TLL1: variants seen among roughly 807,000 people sequenced by gnomAD.
The protein encoded by TLL1 is tolloid-like protein 1.
A neutral mutation model predicts 128.2 loss-of-function variants in TLL1; 49 were observed. The ratio of observed to expected loss-of-function variants is 0.38; its 90% CI spans 0.30 to 0.48. TLL1 has a LOEUF of 0.48. TLL1 is among the 20% of genes least tolerant of loss of function. TLL1 has a pLI of 0.96. For synonymous variants in TLL1, 454 were observed against 418.8 expected, an observed-to-expected ratio of 1.08 and a Z score of -1.03; for missense variants, 1,123 against 1,242.0, an observed-to-expected ratio of 0.90 and a Z score of 1.44.
chr4:165,989,552 C>T, intron 2 of TLL1, 61 bp downstream of exon 2: 1 of 1,228,640 alleles, frequency 8.1e-7, no homozygotes, highest in Non-Finnish European at 1.2e-6. Context: ...TCTTGAAGTG[C>T]TATAAATATT....
At chr4:166,079,833 T>C (rs1741205888) in intron 18 of TLL1, among the ~76,000 whole-genome samples, 1 of 152,220 alleles carries the variant, frequency 6.6e-6, no homozygotes, top group Admixed American at 6.5e-5. Context: ...ATTCAGTTCA[T>C]TTTTTGCCCT....
At chr4:165,909,300 T>G (rs544485373) in intron 1 of TLL1, among the ~76,000 whole-genome samples, 1 of 152,276 alleles carries the variant, frequency 6.6e-6, no homozygotes, top group African/African-American at 2.4e-5. Context: ...GAGGCCAGGG[T>G]TGACTTAGAC....
intron 1 of TLL1, among the ~76,000 whole-genome samples, chr4:165,958,573 T>G (rs1256154518): frequency 6.7e-4 from 99 of 148,546 alleles, no homozygotes; most frequent in African/African-American, 2.4e-3. Context: ...TTTTTTTCTT[T>G]TAAATTTGTT....
intron 1 of TLL1, chr4:165,919,803 C>G: frequency 4.4e-6 from 2 of 456,184 alleles, no homozygotes; most frequent in South Asian, 1.5e-5. Context: ...AACACTCACT[C>G]TGGGATACTA....
intron 7 of TLL1, among the ~76,000 whole-genome samples, chr4:166,010,050 G>A (rs1304755125): frequency 6.6e-6 from 1 of 151,110 alleles, no homozygotes; most frequent in African/African-American, 2.4e-5. Context: ...TTTTGATATT[G>A]TATATAACTG....
intron 1 of TLL1, among the ~76,000 whole-genome samples, chr4:165,893,462 G>GA (rs1341687317): frequency 6.6e-6 from 1 of 152,170 alleles, no homozygotes; most frequent in Non-Finnish European, 1.5e-5. Flanking sequence ...GTGGAGCTGG[G>GA]AATTCAAAGA....
intron 16 of TLL1, among the ~76,000 whole-genome samples, chr4:166,072,635 A>C (rs1364391169): frequency 6.6e-6 from 1 of 151,892 alleles, no homozygotes; most frequent in Non-Finnish European, 1.5e-5. Context: ...TGAGCAAAGG[A>C]CTTAACCTTT....
At chr4:165,986,280 T>C (rs1241831749) in intron 1 of TLL1, among the ~76,000 whole-genome samples, 3 of 152,090 alleles carry the variant, frequency 2.0e-5, no homozygotes, top group Non-Finnish European at 4.4e-5. Context: ...TCCAACTTAC[T>C]GTGCCAACGC....
At chr4:166,015,670 A>G (rs1737904181) in intron 8 of TLL1, among the ~76,000 whole-genome samples, 1 of 151,948 alleles carries the variant, frequency 6.6e-6, no homozygotes, top group Admixed American at 6.6e-5. Context: ...AGTGCAAGCA[A>G]GAAAAAGTGA....
At position 166,100,940 on chromosome 4, in the gene TLL1, A is replaced by T; in HGVS notation, c.*64A>T. On this transcript the variant is annotated 3_prime_UTR_variant, in exon 21 of 21. Transcript: ENST00000061240. Reference sequence around the variant, plus strand: ...ATGGAGAGAAGACATATTTTTTTTAAAACTGAAGATATTGGCACAAATGTT... The same window carrying T: ...ATGGAGAGAAGACATATTTTTTTTATAACTGAAGATATTGGCACAAATGTT... 1 of 1,581,688 alleles carries T rather than the reference A, an allele frequency of 6.3e-7. No homozygotes were observed. The highest frequency in any genetic ancestry group is 8.6e-7 in the Non-Finnish European group (1 of 1,159,650).
At chr4:165,880,080 A>G (rs1364688838) in intron 1 of TLL1, among the ~76,000 whole-genome samples, 1 of 152,210 alleles carries the variant, frequency 6.6e-6, no homozygotes, top group Non-Finnish European at 1.5e-5. Flanking sequence ...TAAAAAATAT[A>G]TAACCTCAAA....
In TLL1 at chr4:165,906,426, C is replaced by T. The variant is rs7674039; in HGVS notation, c.169+32353C>T. 9.3e-3 allele frequency among the ~76,000 whole-genome samples: 1,423 copies of T among 152,302 alleles called. 24 individuals are homozygous for T. Among genetic ancestry groups the T allele is most frequent in the African/African-American group, 0.032 (1,330 of 41,558 alleles). ...ACATAAAGAGGTTAATCTTCCCTGT[C>T]ACAAAGTGAAGAAATACAAGGGCTA... On this transcript the variant is annotated intron_variant, in intron 1 of 20. Coordinates refer to ENST00000061240, the MANE Select transcript of TLL1 (RefSeq NM_012464.5).
chr4:166,076,342 G>A lies in TLL1; in HGVS notation c.2314+1339G>A, dbSNP rs191054489. On this transcript the variant is annotated intron_variant, in intron 17 of 20. Transcript: ENST00000061240. Reference sequence around the variant, plus strand: ...CCTGCCACGGCCTCCCAAAGTGCTGGGATCGCAGGCATGAGCCACTGCACT... The same window carrying A: ...CCTGCCACGGCCTCCCAAAGTGCTGAGATCGCAGGCATGAGCCACTGCACT... 8.0e-3 allele frequency among the ~76,000 whole-genome samples: 1,209 copies of A among 152,028 alleles called. 7 individuals are homozygous for A. Among genetic ancestry groups the A allele is most frequent in the Non-Finnish European group, 0.013 (917 of 67,976 alleles).
chr4:165,910,883 T>C (rs1732497678), intron 1 of TLL1, among the ~76,000 whole-genome samples: 1 of 152,198 alleles, frequency 6.6e-6, no homozygotes, highest in African/African-American at 2.4e-5. Flanking sequence ...CTGAGTACTA[T>C]GCCTAAAATC....
At chr4:166,069,952 A>G (rs1459744354) in intron 16 of TLL1, among the ~76,000 whole-genome samples, 1 of 151,850 alleles carries the variant, frequency 6.6e-6, no homozygotes, top group East Asian at 1.9e-4. Flanking sequence ...TAAAGCAAAT[A>G]AAGAAATTAG....
At chr4:166,045,169 G>A (rs545855444) in intron 12 of TLL1, among the ~76,000 whole-genome samples, 61 of 152,184 alleles carry the variant, frequency 4.0e-4, no homozygotes, top group Non-Finnish European at 7.4e-4. Flanking sequence ...ATTGTCTCTA[G>A]TTTCCTGTCC....
At chr4:166,079,899 T>C (rs1014805936) in intron 18 of TLL1, among the ~76,000 whole-genome samples, 4 of 152,198 alleles carry the variant, frequency 2.6e-5, no homozygotes, top group Admixed American at 2.6e-4. Flanking sequence ...AATTCAGTAA[T>C]TATTTCTTTG....
rs1334731884 is a variant in TLL1 at position 166,043,396 on chromosome 4, G to C, written c.1501G>C (p.Gly501Arg). 1 of 1,614,044 alleles carries C rather than the reference G, an allele frequency of 6.2e-7. No individual in the cohort carries two copies. Among genetic ancestry groups the C allele is most frequent in the Admixed American group, 1.7e-5 (1 of 60,010 alleles). The change falls in exon 12 of 21, where the codon GGG becomes CGG. Residue 501 changes from glycine to arginine, a missense_variant. By Grantham distance (125) the Gly-to-Arg change is moderately radical. This residue lies in a region of TLL1 where 634 missense variants were observed against 672.4 expected (regional missense o/e 0.94). Coordinates refer to ENST00000061240, the MANE Select transcript of TLL1 (RefSeq NM_012464.5). Reference protein sequence around the residue: ...KITVSESYHVGLTFQSFEIER... With the variant: ...KITVSESYHVRLTFQSFEIER... Reference sequence around the variant, plus strand: ...AACAGTGTCTGAGAGCTACCACGTCGGGCTGACCTTTCAGTCCTTTGAGGT... The same window carrying C: ...AACAGTGTCTGAGAGCTACCACGTCCGGCTGACCTTTCAGTCCTTTGAGGT...
chr4:166,056,703 G>A (rs997590127), intron 13 of TLL1, among the ~76,000 whole-genome samples: 6 of 151,996 alleles, frequency 3.9e-5, no homozygotes, highest in Non-Finnish European at 8.8e-5. Context: ...TCTGAAAAAA[G>A]GCTAGGCTTC....
Sources: gnomAD v4.1 joint callset for allele counts (sites outside exome capture counted in the v4.1 genomes callset) on GRCh38, gnomAD v4.1.1 for gene constraint, gnomAD v4.1.1 regional missense constraint, MANE v1.5 for transcripts, NCBI Gene and HGNC (gene_info 2026-07-23, HGNC 2026-07-21) for gene names.